Variants in SIPA1L2 observed in about 807,000 individuals in gnomAD.
SIPA1L2 encodes signal induced proliferation associated 1 like 2, also known as signal-induced proliferation-associated 1-like protein 2.
In SIPA1L2, 56 loss-of-function variants were observed where a neutral mutation model predicts 163.9. The observed-to-expected ratio is 0.34, with a 90% CI of 0.28 to 0.43. SIPA1L2 has a LOEUF of 0.43. Among genes scored for constraint, SIPA1L2 ranks in the 20% least tolerant of loss-of-function variants. The pLI is 1.00. For missense variants in SIPA1L2, 1,974 were observed against 2,193.5 expected, an observed-to-expected ratio of 0.90 and a Z score of 2.00; for synonymous variants, 877 against 865.7, an observed-to-expected ratio of 1.01 and a Z score of -0.23.
At chr1:232,467,242 C>A (rs1664568732) in intron 8 of SIPA1L2, among the ~76,000 whole-genome samples, 1 of 152,162 alleles carries the variant, frequency 6.6e-6, no homozygotes, top group Admixed American at 6.5e-5. Context: ...TGCTTTGGGA[C>A]AGATACACCG....
intron 1 of SIPA1L2, among the ~76,000 whole-genome samples, chr1:232,578,946 C>T (rs1452923034): frequency 6.6e-6 from 1 of 152,156 alleles, no homozygotes. Flanking sequence ...AAGAAATGAG[C>T]TTTCAGCAGC....
intron 8 of SIPA1L2, among the ~76,000 whole-genome samples, chr1:232,466,203 A>AT: frequency 1.3e-5 from 2 of 152,236 alleles, no homozygotes; most frequent in South Asian, 4.1e-4. Context: ...GCTGCATGGG[A>AT]TTCAGTGACG....
intron 2 of SIPA1L2, among the ~76,000 whole-genome samples, chr1:232,525,233 C>CTTTTT (rs11389753): frequency 8.7e-5 from 9 of 102,936 alleles, no homozygotes; most frequent in African/African-American, 1.9e-4. Flanking sequence ...ATAATAATAG[C>CTTTTT]TTTTTTTTTT....
At chr1:232,541,784 A>G (rs190651922) in intron 2 of SIPA1L2, among the ~76,000 whole-genome samples, 7 of 151,870 alleles carry the variant, frequency 4.6e-5, no homozygotes, top group African/African-American at 1.7e-4. Flanking sequence ...CCTCTCCAGG[A>G]GCATTCTTCA....
At chr1:232,497,371 C>A (rs1188578940) in intron 3 of SIPA1L2, among the ~76,000 whole-genome samples, 1 of 147,028 alleles carries the variant, frequency 6.8e-6, no homozygotes, top group Non-Finnish European at 1.5e-5. Context: ...GGGGGAAGGG[C>A]CAGTGGTCCT....
At chr1:232,413,311 A>G (rs1181805003) in intron 19 of SIPA1L2, among the ~76,000 whole-genome samples, 1 of 152,244 alleles carries the variant, frequency 6.6e-6, no homozygotes, top group East Asian at 1.9e-4. Context: ...GACTTGTCCA[A>G]AGGCCTATGG....
chr1:232,455,603 C>T (rs1323810371), intron 10 of SIPA1L2, among the ~76,000 whole-genome samples: 2 of 150,074 alleles, frequency 1.3e-5, no homozygotes, highest in Non-Finnish European at 3.0e-5. Context: ...ATGGCGTGAA[C>T]CCGTGAGGCG....
chr1:232,434,507 T>C (rs920062884), intron 15 of SIPA1L2, among the ~76,000 whole-genome samples: 1 of 151,978 alleles, frequency 6.6e-6, no homozygotes, highest in Non-Finnish European at 1.5e-5. Context: ...GCCTCTACAA[T>C]GACATCCACA....
intron 1 of SIPA1L2, among the ~76,000 whole-genome samples, chr1:232,577,201 T>G (rs1260792595): frequency 6.6e-6 from 1 of 152,212 alleles, no homozygotes; most frequent in Admixed American, 6.5e-5. Flanking sequence ...CTAAATCTAC[T>G]CTGCCCGTGC....
At chr1:232,628,749 G>T (rs1342117805) in intron 1 of SIPA1L2, among the ~76,000 whole-genome samples, 5 of 152,022 alleles carry the variant, frequency 3.3e-5, no homozygotes, top group Admixed American at 3.3e-4. Flanking sequence ...ACACAAACGC[G>T]ACTCAAATGG....
At chr1:232,582,326 C>G (rs2248338) in intron 1 of SIPA1L2, among the ~76,000 whole-genome samples, 81,803 of 151,920 alleles carry the variant, frequency 0.54, 23,659 homozygotes, top group African/African-American at 0.75. Context: ...CCTCCCTCTA[C>G]TAGTCTGCAG....
At chr1:232,443,750 T>C in intron 11 of SIPA1L2, 65 bp from the exon 12 acceptor site, 1 of 1,280,004 alleles carries the variant, frequency 7.8e-7, no homozygotes, top group Non-Finnish European at 1.1e-6. Context: ...TGACCTGGCC[T>C]GTTTTGTTTC....
rs1425865308 is a variant in SIPA1L2, at chr1:232,566,934, T to C, written c.-270+7240A>G. Among the ~76,000 whole-genome samples, 3 of 152,350 alleles carry C rather than the reference T, an allele frequency of 2.0e-5. No homozygotes were observed. The East Asian group carries it at 5.8e-4, about 29-fold the overall frequency. ...CTTATCTTTCTGCATGAACAATATATGAACATATAGAAGATAATATAATTG... is the reference window on the plus strand; with the variant it reads ...CTTATCTTTCTGCATGAACAATATACGAACATATAGAAGATAATATAATTG... On this transcript the variant is annotated intron_variant, in intron 2 of 22. Coordinates refer to ENST00000674635, the MANE Select transcript of SIPA1L2 (RefSeq NM_020808.5).
chr1:232,460,918 T>A lies in SIPA1L2; in HGVS notation c.3064A>T (p.Ile1022Phe). Reference protein sequence around the residue: ...RTSVTVKVVIIQPHDDGSPRR... With the variant: ...RTSVTVKVVIFQPHDDGSPRR... ...GGCGAGCCGTCATCATGGGGCTGGA[T>A]GATGACCACCTTCACAGTCACAGAA... Residue 1022 changes from isoleucine (I) to phenylalanine (F), a missense_variant, in exon 10 of 23, where the codon ATC becomes TTC. Ile to Phe is a conservative substitution (Grantham distance 21). Coordinates refer to ENST00000674635, the MANE Select transcript of SIPA1L2 (RefSeq NM_020808.5). 1 of 1,614,168 alleles carries A rather than the reference T, an allele frequency of 6.2e-7. No homozygotes were observed. The highest frequency in any genetic ancestry group is 1.1e-5 in the South Asian group (1 of 91,088).
At chr1:232,564,895 G>A (rs2247723) in intron 2 of SIPA1L2, among the ~76,000 whole-genome samples, 12,366 of 152,130 alleles carry the variant, frequency 0.081, 1,450 homozygotes, top group African/African-American at 0.26. Flanking sequence ...ACTGAGGCCT[G>A]TCTCAGGGTG....
rs182765074 is a variant in SIPA1L2 at position 232,499,837 on chromosome 1, G to C, written c.1484-6177C>G. Reference sequence around the variant, plus strand: ...ACTCTTGCTAGTGGCTAACACAGCTGGTGGCTTTAAGTTGAAGCCAATGCT... The same window carrying C: ...ACTCTTGCTAGTGGCTAACACAGCTCGTGGCTTTAAGTTGAAGCCAATGCT... On this transcript the variant is annotated intron_variant, in intron 3 of 22. Coordinates refer to ENST00000674635, the MANE Select transcript of SIPA1L2 (RefSeq NM_020808.5). Among the ~76,000 whole-genome samples, 214 of 152,322 alleles carry C rather than the reference G, an allele frequency of 1.4e-3. 1 individual carries two copies. Among genetic ancestry groups the C allele is most frequent in the Non-Finnish European group, 1.4e-3 (96 of 68,022 alleles).
At chr1:232,550,315 A>T (rs577493235) in intron 2 of SIPA1L2, among the ~76,000 whole-genome samples, 2 of 152,238 alleles carry the variant, frequency 1.3e-5, no homozygotes, top group Non-Finnish European at 2.9e-5. Context: ...AGTATTTTAA[A>T]TATGAACGTT....
chr1:232,439,620 T>C, intron 14 of SIPA1L2, 124 bp from the exon 15 acceptor site: 1 of 1,137,836 alleles, frequency 8.8e-7, no homozygotes, highest in Non-Finnish European at 1.2e-6. Context: ...CTCTTCAATG[T>C]GGGCAATGAC....
chr1:232,528,395 T>C lies in SIPA1L2; in HGVS notation c.-269-12787A>G, dbSNP rs533893613. Among the ~76,000 whole-genome samples, 7 of 152,220 alleles carry C rather than the reference T, an allele frequency of 4.6e-5. No individual in the cohort carries two copies. The East Asian group carries it at 5.8e-4, about 13-fold the overall frequency. ...CAAGTTGCTTCATTTTTTTCTACTG[T>C]CGCAGGTTCTCAAATTTACACACAG... On this transcript the variant is annotated intron_variant, in intron 2 of 22. Coordinates refer to ENST00000674635, the MANE Select transcript of SIPA1L2 (RefSeq NM_020808.5).
Sources: gnomAD v4.1 joint callset for allele counts (sites outside exome capture counted in the v4.1 genomes callset) on GRCh38, gnomAD v4.1.1 for gene constraint, MANE v1.5 for transcripts, NCBI Gene and HGNC (gene_info 2026-07-23, HGNC 2026-07-21) for gene names.